AMY2B: variants seen among roughly 807,000 people sequenced by gnomAD.
AMY2B encodes alpha-amylase 2B.
Under a neutral mutation model 59.3 loss-of-function variants are expected in AMY2B, and 63 were observed. That is an observed-to-expected ratio of 1.06 (90% CI 0.87 to 1.31). AMY2B has a LOEUF of 1.31. AMY2B is among the 50% of genes most tolerant of loss of function. The pLI is 0.00. For synonymous variants in AMY2B, 180 were observed against 198.1 expected (o/e 0.91, Z 0.77); for missense variants, 635 against 626.7 (o/e 1.01, Z -0.14).
rs746972250 is a variant in AMY2B at position 103,557,645 on chromosome 1, TA to T, written c.-207+2549del. ...TCCAGCTTCAGTGATGGAGTTAGAT[TA>T]AAAAAAAAAAAAGTATTTTACATAA... is the stretch of plus-strand genomic sequence containing the variant. On this transcript the variant is annotated intron_variant, in intron 1 of 11. Transcript: ENST00000361355. 6.7e-3 allele frequency among the ~76,000 whole-genome samples: 946 copies of T among 141,848 alleles called. 2 individuals carry two copies. Among genetic ancestry groups the T allele is most frequent in the African/African-American group, 0.011 (409 of 38,834 alleles). 93.1% of individuals were successfully genotyped at this position (141,848 alleles called of 152,430 possible). A position where few individuals can be genotyped will look rare whatever the true frequency, so the allele number is the denominator to read the frequency against.
chr1:103,567,365 G>A (rs1043633622), upstream of AMY2B, among the ~76,000 whole-genome samples: 7 of 152,238 alleles, frequency 4.6e-5, no homozygotes, highest in East Asian at 1.9e-4. Flanking sequence ...CATCAGGATC[G>A]ACAGTGGAAT....
At chr1:103,565,508 A>G (rs1000653370) in exon 2 of AMY2B, 3 of 152,214 alleles carry the variant, frequency 2.0e-5, no homozygotes, top group African/African-American at 7.2e-5. Flanking sequence ...TTCCTGGCAC[A>G]TCACTCAACT....
chr1:103,562,250 G>A (rs1210956279), intron 1 of AMY2B, among the ~76,000 whole-genome samples: 1 of 152,164 alleles, frequency 6.6e-6, no homozygotes, highest in Non-Finnish European at 1.5e-5. Context: ...AGTACAAAAT[G>A]TACTATTTAT....
chr1:103,571,071 G>T (rs778910121), upstream of AMY2B: 132 of 668,314 alleles, frequency 2.0e-4, no homozygotes, highest in Non-Finnish European at 2.5e-4. Context: ...AGGCTGGTAA[G>T]GGCTCCTTAA....
intron 1 of AMY2B, chr1:103,564,922 CAT>C (rs773654288): frequency 4.6e-5 from 7 of 152,092 alleles, no homozygotes; most frequent in Non-Finnish European, 1.0e-4. Flanking sequence ...GTCATAAAGA[CAT>C]TGCCATTCTA....
chr1:103,572,273 T>C lies in AMY2B; in HGVS notation c.315+17T>C. 2 of 1,606,240 alleles carry C rather than the reference T, an allele frequency of 1.2e-6. No individual in the cohort carries two copies. Among genetic ancestry groups the C allele is most frequent in the Non-Finnish European group, 1.7e-6 (2 of 1,176,482 alleles). ...AATGTTGGGGTAAGTGAATTCTAGT[T>C]TCCTTGAAAAATAACAGATAGGAAA... On this transcript the variant is annotated intron_variant, in intron 2 of 9. Transcript: ENST00000684275.
intron 9 of AMY2B, among the ~76,000 whole-genome samples, chr1:103,578,409 C>T (rs1411732952): frequency 6.6e-6 from 1 of 152,034 alleles, no homozygotes; most frequent in East Asian, 1.9e-4. Flanking sequence ...AGTTCCGAAA[C>T]TTCTCATTAT....
upstream of AMY2B, chr1:103,569,328 G>GTATATA (rs374957903): frequency 2.8e-5 from 4 of 145,288 alleles, no homozygotes; most frequent in African/African-American, 1.0e-4. Flanking sequence ...GTGTGTTTGT[G>GTATATA]TATATATATA....
intron 1 of AMY2B, among the ~76,000 whole-genome samples, 157 bp downstream of exon 1, chr1:103,571,927 C>G (rs1652148427): frequency 6.6e-6 from 1 of 152,132 alleles, no homozygotes; most frequent in Admixed American, 6.6e-5. Flanking sequence ...TTCTTGGCAA[C>G]TTTATATTTT....
intron 1 of AMY2B, among the ~76,000 whole-genome samples, chr1:103,563,429 A>T (rs1012942813): frequency 6.6e-6 from 1 of 152,130 alleles, no homozygotes; most frequent in East Asian, 1.9e-4. Context: ...AACTATTTTA[A>T]ATCCTTATTT....
chr1:103,571,018 G>C (rs560775850), upstream of AMY2B: 932 of 366,266 alleles, frequency 2.5e-3, no homozygotes, highest in Non-Finnish European at 3.4e-3. Context: ...GATCTGTGCA[G>C]GGTATTAATG....
At chr1:103,556,633 A>G (rs1651561937) in intron 1 of AMY2B, among the ~76,000 whole-genome samples, 1 of 152,018 alleles carries the variant, frequency 6.6e-6, no homozygotes, top group African/African-American at 2.4e-5. Flanking sequence ...AGTATAGTAT[A>G]ATAGTACTAA....
chr1:103,573,799 T>C lies in AMY2B; in HGVS notation c.605T>C (p.Ile202Thr). 6.2e-7 allele frequency: 1 copy of C among 1,613,828 alleles called. No homozygotes were observed. The highest frequency in any genetic ancestry group is 8.5e-7 in the Non-Finnish European group (1 of 1,179,780). Residue 202 changes from isoleucine to threonine, a missense_variant, in exon 4 of 10, where the codon ATT becomes ACT. Physicochemically the swap from Ile to Thr is moderately conservative, Grantham distance 89. Transcript: ENST00000684275. ...SKIAEYMNHL[I>T]DIGVAGFRLD... The stretch of plus-strand genomic sequence containing the variant: ...ATTGCCGAATATATGAATCATCTCA[T>C]TGACATTGGTGTTGCAGGGTTCAGA...
At chr1:103,563,123 C>A (rs1396817705) in intron 1 of AMY2B, among the ~76,000 whole-genome samples, 3 of 151,922 alleles carry the variant, frequency 2.0e-5, no homozygotes, top group Non-Finnish European at 4.4e-5. Context: ...TTTATATGAG[C>A]CCAAATGAGA....
At chr1:103,576,819 A>G (rs1479149935) in intron 7 of AMY2B, among the ~76,000 whole-genome samples, 1 of 152,182 alleles carries the variant, frequency 6.6e-6, no homozygotes, top group African/African-American at 2.4e-5. Flanking sequence ...GACACAGAGA[A>G]ATTATGTATG....
chr1:103,571,377 C>A, upstream of AMY2B: 6 of 1,146,376 alleles, frequency 5.2e-6, no homozygotes, highest in South Asian at 8.4e-5. Context: ...AAAAGTGCTG[C>A]CAGAACCAAA....
chr1:103,555,233 A>C (rs1405544285), intron 1 of AMY2B: 1 of 152,024 alleles, frequency 6.6e-6, no homozygotes, highest in Non-Finnish European at 1.5e-5. Flanking sequence ...TTTCCTTTCC[A>C]ATAAAATAGT....
intron 1 of AMY2B, among the ~76,000 whole-genome samples, chr1:103,555,849 G>A (rs1218552307): frequency 2.6e-5 from 4 of 152,126 alleles, no homozygotes; most frequent in Admixed American, 2.0e-4. Context: ...GATATAGCAG[G>A]TTTGTATGCT....
chr1:103,559,007 A>G (rs1394248648), intron 1 of AMY2B, among the ~76,000 whole-genome samples: 1 of 152,160 alleles, frequency 6.6e-6, no homozygotes, highest in Non-Finnish European at 1.5e-5. Flanking sequence ...GAGATGATGT[A>G]AAAGTTACAT....
Sources: allele counts gnomAD v4.1 joint callset (sites outside exome capture counted in the v4.1 genomes callset), GRCh38; gene constraint gnomAD v4.1.1; transcripts MANE v1.5; gene names NCBI Gene and HGNC (gene_info 2026-07-23, HGNC 2026-07-21).